Variants in CDH13 observed in about 807,000 individuals in gnomAD.
CDH13 encodes cadherin-13.
CDH13 carries 24 observed loss-of-function variants against 63.8 expected under a neutral mutation model. The ratio of observed to expected loss-of-function variants is 0.38; its 90% confidence interval spans 0.27 to 0.53. The LOEUF (loss-of-function observed/expected upper bound fraction) is 0.53, where lower values mean the gene tolerates loss of function less well. Ranked by LOEUF, CDH13 falls within the 20% of genes least tolerant of loss-of-function variation. CDH13 has a pLI of 0.85. For missense variants in CDH13, 1,049 were observed against 903.1 expected, an observed-to-expected ratio of 1.16 and a Z score of -2.07; for synonymous variants, 503 against 355.3, an observed-to-expected ratio of 1.42 and a Z score of -4.67.
intron 3 of CDH13, among the ~76,000 whole-genome samples, chr16:83,041,191 T>C (rs1183791872): frequency 1.3e-5 from 2 of 152,210 alleles, no homozygotes; most frequent in African/African-American, 4.8e-5. Context: ...GTTGCTTCAA[T>C]TAAATGCAAA....
intron 5 of CDH13, among the ~76,000 whole-genome samples, chr16:83,280,885 C>A (rs1379478634): frequency 6.6e-6 from 1 of 151,988 alleles, no homozygotes; most frequent in East Asian, 1.9e-4. Context: ...ACCTTTTTTT[C>A]CTGAGCAGTA....
intron 6 of CDH13, among the ~76,000 whole-genome samples, chr16:83,350,085 G>C (rs1262062965): frequency 6.6e-6 from 1 of 152,198 alleles, no homozygotes; most frequent in Non-Finnish European, 1.5e-5. Context: ...CCCAAGGATG[G>C]GGGGCTTTAA....
intron 3 of CDH13, among the ~76,000 whole-genome samples, chr16:83,034,935 G>T (rs1300705872): frequency 6.6e-6 from 1 of 152,052 alleles, no homozygotes; most frequent in East Asian, 1.9e-4. Flanking sequence ...GATTGTTTTT[G>T]CTTCTTATAA....
intron 5 of CDH13, among the ~76,000 whole-genome samples, chr16:83,272,953 G>C (rs2088870418): frequency 6.6e-6 from 1 of 152,106 alleles, no homozygotes; most frequent in Admixed American, 6.6e-5. Flanking sequence ...TGTTAATATA[G>C]TACAGTGAGC....
At chr16:82,824,499 G>C (rs540189676) in intron 1 of CDH13, 3 of 152,162 alleles carry the variant, frequency 2.0e-5, no homozygotes, top group Non-Finnish European at 4.4e-5. Context: ...TAAAAAGAAA[G>C]ACCATATGAC....
In CDH13 at chr16:82,646,941, G is replaced by C. The variant is rs114397435; in HGVS notation, c.45+19804G>C. Among the ~76,000 whole-genome samples, 389 of 152,328 alleles carry C rather than the reference G, an allele frequency of 2.6e-3. 2 individuals carry two copies. Among genetic ancestry groups the C allele is most frequent in the African/African-American group, 9.0e-3 (373 of 41,578 alleles). ...GACTATGAATGTGAAGGCAACGTGA[G>C]ATTGGATCAGAGTTAGAAAGATGAC... is the stretch of plus-strand genomic sequence containing the variant. On this transcript the variant is annotated intron_variant, in intron 1 of 13. Transcript: ENST00000567109.
At chr16:83,237,295 C>T (rs138913889) in intron 5 of CDH13, among the ~76,000 whole-genome samples, 1 of 152,166 alleles carries the variant, frequency 6.6e-6, no homozygotes, top group African/African-American at 2.4e-5. Context: ...AGCCTAGTGA[C>T]CCACACTTGT....
chr16:83,252,091 A>ATC (rs1336985924), intron 5 of CDH13, among the ~76,000 whole-genome samples: 1 of 122,170 alleles, frequency 8.2e-6, no homozygotes, highest in Non-Finnish European at 1.7e-5. Context: ...ATATGTATAT[A>ATC]TGTATATATA....
intron 1 of CDH13, among the ~76,000 whole-genome samples, chr16:82,811,522 A>G (rs529077037): frequency 1.3e-5 from 2 of 152,330 alleles, no homozygotes; most frequent in Admixed American, 1.3e-4. Flanking sequence ...GTGATTTGTT[A>G]TCTACATTCA....
intron 6 of CDH13, among the ~76,000 whole-genome samples, chr16:83,385,900 C>CTACTTTGGTGGA: frequency 6.6e-6 from 1 of 152,300 alleles, no homozygotes; most frequent in Non-Finnish European, 1.5e-5. Flanking sequence ...CTGATCCCAT[C>CTACTTTGGTGGA]TGAAGCTACT....
intron 1 of CDH13, among the ~76,000 whole-genome samples, chr16:82,857,232 A>C (rs1043373667): frequency 1.3e-5 from 2 of 152,224 alleles, no homozygotes; most frequent in Non-Finnish European, 2.9e-5. Flanking sequence ...TTCGTCTTCT[A>C]TAAAATATAC....
At chr16:82,668,889 C>T (rs1180703565) in intron 1 of CDH13, among the ~76,000 whole-genome samples, 1 of 152,198 alleles carries the variant, frequency 6.6e-6, no homozygotes, top group Non-Finnish European at 1.5e-5. Flanking sequence ...TCAGCAAGTT[C>T]CAGAATTTCT....
intron 3 of CDH13, among the ~76,000 whole-genome samples, chr16:83,099,782 G>A (rs1393251244): frequency 6.6e-6 from 1 of 152,060 alleles, no homozygotes; most frequent in Admixed American, 6.6e-5. Flanking sequence ...CCAAAAGGCT[G>A]TTTTGAGTAT....
chr16:83,198,760 C>T (rs1370463033), intron 4 of CDH13, among the ~76,000 whole-genome samples: 1 of 152,102 alleles, frequency 6.6e-6, no homozygotes, highest in Non-Finnish European at 1.5e-5. Flanking sequence ...AGATTCAACT[C>T]CTGCTTTCCC....
At chr16:83,228,225 T>C (rs894933108) in intron 5 of CDH13, among the ~76,000 whole-genome samples, 7 of 152,228 alleles carry the variant, frequency 4.6e-5, no homozygotes, top group Non-Finnish European at 1.0e-4. Flanking sequence ...TTGTCACAAC[T>C]GGGGCTGTTA....
At chr16:82,761,861 TACAC>T (rs1448218529) in intron 1 of CDH13, among the ~76,000 whole-genome samples, 1 of 152,106 alleles carries the variant, frequency 6.6e-6, no homozygotes, top group African/African-American at 2.4e-5. Context: ...CACAGACACA[TACAC>T]ACACATCCTA....
chr16:82,732,844 A>G (rs1375068361), intron 1 of CDH13, among the ~76,000 whole-genome samples: 1 of 146,446 alleles, frequency 6.8e-6, no homozygotes, highest in Admixed American at 6.9e-5. Context: ...ACATCTGGGG[A>G]TGAGTGAGGG....
chr16:82,663,528 C>G (rs2150929651), intron 1 of CDH13, among the ~76,000 whole-genome samples: 1 of 152,302 alleles, frequency 6.6e-6, no homozygotes, highest in African/African-American at 2.4e-5. Flanking sequence ...CTCCTAGTGA[C>G]TCCCCTAGAA....
intron 7 of CDH13, among the ~76,000 whole-genome samples, chr16:83,533,096 A>T (rs2075115447): frequency 6.6e-6 from 1 of 152,168 alleles, no homozygotes; most frequent in Non-Finnish European, 1.5e-5. Context: ...AGTCTACCTC[A>T]ACATCAGCTC....
Sources: allele counts gnomAD v4.1 joint callset (sites outside exome capture counted in the v4.1 genomes callset), GRCh38; gene constraint gnomAD v4.1.1; transcripts MANE v1.5; gene names NCBI Gene and HGNC (gene_info 2026-07-23, HGNC 2026-07-21).